Variants in SNTG1 observed in about 807,000 individuals in gnomAD.
SNTG1 encodes syntrophin gamma 1.
SNTG1 carries 39 observed loss-of-function variants against 74.7 expected under a neutral mutation model. The ratio of observed to expected loss-of-function variants is 0.52; its 90% CI spans 0.40 to 0.68. The LOEUF (loss-of-function observed/expected upper bound fraction) is 0.68. SNTG1 is among the 30% of genes least tolerant of loss of function. The probability of loss-of-function intolerance (pLI) is 0.00; values close to 1 mark genes in which losing one functional copy is unlikely to be tolerated. For missense variants in SNTG1, 685 were observed against 609.5 expected (o/e 1.12, Z -1.30); for synonymous variants, 254 against 217.1 (o/e 1.17, Z -1.49).
At chr8:49,910,793 T>A (rs1217714699), upstream of SNTG1, 2 of 152,300 alleles carry the variant, frequency 1.3e-5, no homozygotes, top group Middle Eastern at 3.2e-3. Context: ...GGCTTTGCTC[T>A]GGCTTTACAA....
At chr8:50,449,930 A>C (rs2131620290) in intron 6 of SNTG1, among the ~76,000 whole-genome samples, 1 of 152,284 alleles carries the variant, frequency 6.6e-6, no homozygotes, top group Middle Eastern at 3.4e-3. Flanking sequence ...AAGGGGAACA[A>C]GGCTGAAAGA....
intron 2 of SNTG1, among the ~76,000 whole-genome samples, chr8:50,229,715 C>T (rs2085521708): frequency 6.6e-6 from 1 of 151,442 alleles, no homozygotes; most frequent in Admixed American, 6.6e-5. Context: ...GACTGAATAG[C>T]ACTGTAAATC....
chr8:50,675,891 G>A (rs557943135), intron 15 of SNTG1, among the ~76,000 whole-genome samples: 3 of 152,052 alleles, frequency 2.0e-5, no homozygotes, highest in South Asian at 2.1e-4. Flanking sequence ...TGTCTAGAAA[G>A]GATTTTATTT....
rs79556019 is a variant in SNTG1 at position 49,988,231 on chromosome 8, T to A, written c.-103+76000T>A. 9.2e-5 allele frequency among the ~76,000 whole-genome samples: 14 copies of A among 152,204 alleles called. No homozygotes were observed. In the East Asian group the frequency reaches 2.7e-3, roughly 29 times the overall value. ...CGTGCAGAGTTGTTACAATATATTA[T>A]CTAAAATGTTCAATTTTCAACAAAA... On this transcript the variant is annotated intron_variant, in intron 1 of 18. Transcript: ENST00000642720.
intron 15 of SNTG1, among the ~76,000 whole-genome samples, chr8:50,661,071 A>G (rs2095220466): frequency 6.6e-6 from 1 of 152,214 alleles, no homozygotes; most frequent in African/African-American, 2.4e-5. Context: ...TCATTATTTG[A>G]ATGGTTTAAT....
chr8:50,733,585 A>G (rs1276931614), intron 17 of SNTG1, among the ~76,000 whole-genome samples: 1 of 151,888 alleles, frequency 6.6e-6, no homozygotes, highest in East Asian at 1.9e-4. Context: ...CAGCCTTACC[A>G]GGATCTGTTG....
chr8:50,692,309 G>A (rs1158121703), intron 15 of SNTG1, among the ~76,000 whole-genome samples: 1 of 152,146 alleles, frequency 6.6e-6, no homozygotes, highest in Non-Finnish European at 1.5e-5. Flanking sequence ...CATTCCTTTG[G>A]AGGAGGAGAG....
At chr8:50,291,510 A>G (rs2089107530) in intron 2 of SNTG1, among the ~76,000 whole-genome samples, 1 of 152,164 alleles carries the variant, frequency 6.6e-6, no homozygotes, top group South Asian at 2.1e-4. Flanking sequence ...AAGGCCAGTG[A>G]CATAATAAAT....
intron 2 of SNTG1, among the ~76,000 whole-genome samples, chr8:50,214,685 A>G (rs2084692745): frequency 6.6e-6 from 1 of 152,110 alleles, no homozygotes; most frequent in Non-Finnish European, 1.5e-5. Context: ...GACTTGATTC[A>G]ATACTAAGCC....
chr8:50,176,738 C>T (rs922751863), intron 2 of SNTG1, among the ~76,000 whole-genome samples: 4 of 152,186 alleles, frequency 2.6e-5, no homozygotes, highest in African/African-American at 9.7e-5. Context: ...AAAAATTGAT[C>T]AACTGAAGGG....
chr8:50,077,857 T>C (rs1194707203), intron 1 of SNTG1, among the ~76,000 whole-genome samples: 1 of 152,198 alleles, frequency 6.6e-6, no homozygotes, highest in Non-Finnish European at 1.5e-5. Flanking sequence ...TGTATGCATA[T>C]GTTTTAAAGT....
At chr8:49,948,005 C>T (rs1809360593) in intron 1 of SNTG1, among the ~76,000 whole-genome samples, 1 of 151,986 alleles carries the variant, frequency 6.6e-6, no homozygotes, top group South Asian at 2.1e-4. Flanking sequence ...GTGTCAGGAG[C>T]CTATAATCCC....
intron 15 of SNTG1, among the ~76,000 whole-genome samples, chr8:50,690,645 G>T (rs1250302119): frequency 6.6e-6 from 1 of 152,190 alleles, no homozygotes; most frequent in Non-Finnish European, 1.5e-5. Context: ...TTTTGCATTT[G>T]CTAAGGAGTG....
At chr8:50,497,866 G>A (rs1022846391) in intron 8 of SNTG1, among the ~76,000 whole-genome samples, 1 of 151,818 alleles carries the variant, frequency 6.6e-6, no homozygotes, top group Non-Finnish European at 1.5e-5. Flanking sequence ...TCATATAATA[G>A]TATGTTTTCT....
intron 1 of SNTG1, among the ~76,000 whole-genome samples, chr8:50,075,809 T>C (rs1195570082): frequency 1.3e-5 from 2 of 151,986 alleles, no homozygotes; most frequent in African/African-American, 4.8e-5. Context: ...TTAAGAGCTA[T>C]AACACTCAAC....
intron 2 of SNTG1, among the ~76,000 whole-genome samples, chr8:50,259,403 G>T (rs2087042949): frequency 6.6e-6 from 1 of 151,568 alleles, no homozygotes; most frequent in Non-Finnish European, 1.5e-5. Context: ...GGAGGCTGAG[G>T]CAGGAGAATC....
rs1012195672 is a variant in SNTG1, at chr8:50,734,376, T to G, written c.1285-17625T>G. On this transcript the variant is annotated intron_variant, in intron 17 of 18. Coordinates refer to ENST00000642720, the MANE Select transcript of SNTG1 (RefSeq NM_018967.5). Reference sequence around the variant, plus strand: ...ATCTAGCAAAATACTCAGTATATACTAGCCACTTCATAAATATCTGTTGAA... The same window carrying G: ...ATCTAGCAAAATACTCAGTATATACGAGCCACTTCATAAATATCTGTTGAA... Among the ~76,000 whole-genome samples, 3 of 151,702 alleles carry G rather than the reference T, an allele frequency of 2.0e-5. No homozygotes were observed. In the South Asian group the frequency reaches 6.2e-4, roughly 31 times the overall value.
intron 13 of SNTG1, among the ~76,000 whole-genome samples, chr8:50,615,319 T>C (rs2094878923): frequency 6.6e-6 from 1 of 152,126 alleles, no homozygotes; most frequent in South Asian, 2.1e-4. Context: ...AGAAAAAAAG[T>C]ATAGCAGCTG....
chr8:50,493,188 C>A (rs892168296), intron 8 of SNTG1, among the ~76,000 whole-genome samples: 1 of 152,106 alleles, frequency 6.6e-6, no homozygotes, highest in Non-Finnish European at 1.5e-5. Flanking sequence ...ATGGTACAAC[C>A]AATTCCAACT....
Sources: allele counts gnomAD v4.1 joint callset (sites outside exome capture counted in the v4.1 genomes callset), GRCh38; gene constraint gnomAD v4.1.1; transcripts MANE v1.5; gene names NCBI Gene and HGNC (gene_info 2026-07-23, HGNC 2026-07-21).